Variants in MAML3 observed in about 807,000 individuals in gnomAD.
The protein encoded by MAML3 is mastermind-like protein 3.
MAML3 carries 27 observed loss-of-function variants against 101.9 expected under a neutral mutation model. The ratio of observed to expected loss-of-function variants is 0.27; its 90% CI spans 0.20 to 0.37. MAML3 has a LOEUF of 0.37. MAML3 is among the 10% of genes least tolerant of loss of function. The pLI, the probability that MAML3 is intolerant of heterozygous loss-of-function variation, is 1.00. For synonymous variants in MAML3, 501 were observed against 555.9 expected, an observed-to-expected ratio of 0.90 and a Z score of 1.39; for missense variants, 1,316 against 1,444.9, an observed-to-expected ratio of 0.91 and a Z score of 1.45.
chr4:139,862,006 C>G (rs944640328), intron 2 of MAML3, among the ~76,000 whole-genome samples: 1 of 151,948 alleles, frequency 6.6e-6, no homozygotes, highest in Non-Finnish European at 1.5e-5. Flanking sequence ...GTCAGGAGTT[C>G]GAGACCAGCA....
chr4:139,971,003 G>T (rs1168933055), intron 1 of MAML3, among the ~76,000 whole-genome samples: 4 of 152,138 alleles, frequency 2.6e-5, no homozygotes. Context: ...CTGTTAACTA[G>T]TTCTGTCTTA....
intron 1 of MAML3, among the ~76,000 whole-genome samples, chr4:139,991,536 T>C (rs1443123495): frequency 6.6e-6 from 1 of 152,244 alleles, no homozygotes; most frequent in African/African-American, 2.4e-5. Flanking sequence ...TAGTATTTAC[T>C]AACTTTAAAT....
In MAML3 at chr4:139,716,967, T is replaced by C. The variant is rs1238285304; in HGVS notation, c.*2356A>G. The C allele has an allele frequency of 6.6e-6, 1 of 152,634 alleles. No homozygotes were observed. Among genetic ancestry groups the C allele is most frequent in the African/African-American group, 2.4e-5 (1 of 41,464 alleles). 9.5% of individuals were successfully genotyped at this position (152,634 alleles called of 1,614,324 possible). On this transcript the variant is annotated 3_prime_UTR_variant, in exon 5 of 5. Coordinates refer to ENST00000509479, the MANE Select transcript of MAML3 (RefSeq NM_018717.5). ...TACAAATTAGTAATTAGATGTCATC[T>C]GAAGTGCAATACCACTGCTGTGATG...
chr4:140,114,611 T>C (rs1438801511), intron 1 of MAML3, among the ~76,000 whole-genome samples: 1 of 152,242 alleles, frequency 6.6e-6, no homozygotes, highest in Non-Finnish European at 1.5e-5. Flanking sequence ...GCCGGGTGTA[T>C]ACACGTATGT....
chr4:140,030,951 A>C (rs1726898134), intron 1 of MAML3, among the ~76,000 whole-genome samples: 1 of 152,200 alleles, frequency 6.6e-6, no homozygotes, highest in Admixed American at 6.5e-5. Context: ...TCAGCATATA[A>C]TACCGTCTGA....
At chr4:139,989,850 A>AACAAACACAC (rs549467457) in intron 1 of MAML3, among the ~76,000 whole-genome samples, 1 of 122,872 alleles carries the variant, frequency 8.1e-6, no homozygotes, top group Non-Finnish European at 1.7e-5. Flanking sequence ...CACACAAACA[A>AACAAACACAC]ACACACACAC....
At chr4:139,995,820 T>C (rs574593631) in intron 1 of MAML3, among the ~76,000 whole-genome samples, 41 of 152,152 alleles carry the variant, frequency 2.7e-4, no homozygotes, top group African/African-American at 9.4e-4. Context: ...TCTTTATTGT[T>C]TCCTTCTGCT....
chr4:140,127,261 A>G (rs1728699044), intron 1 of MAML3, among the ~76,000 whole-genome samples: 1 of 152,132 alleles, frequency 6.6e-6, no homozygotes, highest in African/African-American at 2.4e-5. Context: ...TTGTACCTTC[A>G]TCCTCCATCC....
chr4:139,743,177 T>TA (rs1729218540), intron 2 of MAML3, among the ~76,000 whole-genome samples: 1 of 152,356 alleles, frequency 6.6e-6, no homozygotes, highest in Non-Finnish European at 1.5e-5. Context: ...CACCTAAAGT[T>TA]ACACGCCTCC....
intron 1 of MAML3, among the ~76,000 whole-genome samples, chr4:140,100,535 A>G (rs1400155709): frequency 6.6e-6 from 1 of 152,184 alleles, no homozygotes; most frequent in Non-Finnish European, 1.5e-5. Flanking sequence ...GTGGAAAAAC[A>G]TATATATGTG....
chr4:139,747,511 T>G (rs934374961), intron 2 of MAML3, among the ~76,000 whole-genome samples: 1 of 151,764 alleles, frequency 6.6e-6, no homozygotes, highest in Admixed American at 6.6e-5. Flanking sequence ...ATGGCCAACA[T>G]GGTGAAACCC....
At chr4:139,878,397 G>C (rs902226251) in intron 2 of MAML3, among the ~76,000 whole-genome samples, 1 of 152,130 alleles carries the variant, frequency 6.6e-6, no homozygotes, top group African/African-American at 2.4e-5. Flanking sequence ...TGACCAGACT[G>C]CACATTGCTG....
intron 1 of MAML3, among the ~76,000 whole-genome samples, chr4:139,980,392 C>T (rs1033462847): frequency 6.6e-6 from 1 of 152,134 alleles, no homozygotes; most frequent in African/African-American, 2.4e-5. Context: ...TTTTTTCCCC[C>T]AGTCTCTGAA....
intron 1 of MAML3, among the ~76,000 whole-genome samples, chr4:139,913,619 G>A (rs770957806): frequency 3.9e-5 from 6 of 152,154 alleles, no homozygotes; most frequent in Admixed American, 1.3e-4. Context: ...AGAAGCAGAC[G>A]TTCAATGGCT....
At chr4:140,125,254 T>C (rs1005702795) in intron 1 of MAML3, among the ~76,000 whole-genome samples, 2 of 152,080 alleles carry the variant, frequency 1.3e-5, no homozygotes, top group East Asian at 1.9e-4. Flanking sequence ...TATGAAACAA[T>C]GAAGAATTCA....
chr4:140,022,179 T>G (rs759653228), intron 1 of MAML3, among the ~76,000 whole-genome samples: 2 of 152,204 alleles, frequency 1.3e-5, no homozygotes, highest in Non-Finnish European at 2.9e-5. Context: ...CATTCTATGA[T>G]GTGTGAAACC....
At chr4:139,996,484 T>C (rs1159623180) in intron 1 of MAML3, among the ~76,000 whole-genome samples, 1 of 152,192 alleles carries the variant, frequency 6.6e-6, no homozygotes, top group Non-Finnish European at 1.5e-5. Context: ...TTGGTGTATA[T>C]TCTTGATTCA....
rs200291995 is a variant in MAML3 at position 139,850,290 on chromosome 4, C to T, written c.2079+39067G>A. On this transcript the variant is annotated intron_variant, in intron 2 of 4. Coordinates refer to ENST00000509479, the MANE Select transcript of MAML3 (RefSeq NM_018717.5). The stretch of plus-strand genomic sequence containing the variant: ...TTTCAAGTCACTATTACTGTCTCAG[C>T]ACTCCTCGTTCATCCAGTTAATCTC... 2.6e-5 allele frequency among the ~76,000 whole-genome samples: 4 copies of T among 152,178 alleles called. No individual in the cohort carries two copies. The East Asian group carries it at 5.8e-4, about 22-fold the overall frequency.
chr4:140,147,235 G>A (rs908485827), intron 1 of MAML3, among the ~76,000 whole-genome samples: 4 of 151,586 alleles, frequency 2.6e-5, no homozygotes, highest in African/African-American at 9.7e-5. Flanking sequence ...TTGGATGCAA[G>A]AGCGTGATTT....
Sources: allele counts gnomAD v4.1 joint callset (sites outside exome capture counted in the v4.1 genomes callset), GRCh38; gene constraint gnomAD v4.1.1; transcripts MANE v1.5; gene names NCBI Gene and HGNC (gene_info 2026-07-23, HGNC 2026-07-21).